Variants in SPTA1 observed in about 807,000 individuals in gnomAD.
SPTA1 encodes the protein spectrin alpha chain, erythrocytic 1.
SPTA1 carries 177 observed loss-of-function variants against 324.7 expected under a neutral mutation model. The ratio of observed to expected loss-of-function variants is 0.55; its 90% CI spans 0.48 to 0.62. The LOEUF (loss-of-function observed/expected upper bound fraction) is 0.62. Among genes scored for constraint, SPTA1 ranks in the 20% least tolerant of loss-of-function variants. The probability of loss-of-function intolerance (pLI) is 0.00; values close to 1 mark genes in which losing one functional copy is unlikely to be tolerated. For missense variants in SPTA1, 3,162 were observed against 2,883.6 expected (o/e 1.10, Z -2.21); for synonymous variants, 1,195 against 1,041.3 (o/e 1.15, Z -2.84).
At chr1:158,674,260 A>T (rs1654243567) in intron 10 of SPTA1, 69 bp downstream of exon 10, 1 of 1,420,024 alleles carries the variant, frequency 7.0e-7, no homozygotes, top group Non-Finnish European at 1.0e-6. Flanking sequence ...AGATTATCAT[A>T]TTATTGTGAG....
intron 2 of SPTA1, among the ~76,000 whole-genome samples, chr1:158,684,509 C>G (rs1655033669): frequency 6.6e-6 from 1 of 152,018 alleles, no homozygotes; most frequent in Non-Finnish European, 1.5e-5. Context: ...CCATCAAATT[C>G]TATACAGAAT....
In SPTA1 at chr1:158,677,905, T is replaced by C. The variant is rs546138017; in HGVS notation, c.813-71A>G. ...TACAGGGCAAACGGTCCAACAGAAC[T>C]CACAGCAAGGACCATCCTAGTTGAC... On this transcript the variant is annotated intron_variant, in intron 6 of 51. Coordinates refer to ENST00000643759, the MANE Select transcript of SPTA1 (RefSeq NM_003126.4). The C allele has an allele frequency of 6.9e-6, 11 of 1,595,700 alleles. No individual in the cohort carries two copies. The African/African-American group carries it at 1.3e-4, about 19-fold the overall frequency.
In SPTA1 at chr1:158,618,063, A is replaced by T. The variant is rs766248335; in HGVS notation, c.6531-7T>A. ...CCCATCCAGAAAGTAAGCCCTGGAC[A>T]TGGAGGTCCGGAACAGGAATCACAT... is the stretch of plus-strand genomic sequence containing the variant. On this transcript the variant is annotated splice_region_variant and splice_polypyrimidine_tract_variant and intron_variant, in intron 45 of 51. Coordinates refer to ENST00000643759, the MANE Select transcript of SPTA1 (RefSeq NM_003126.4). 6.2e-7 allele frequency: 1 copy of T among 1,611,684 alleles called. No homozygotes were observed. The highest frequency in any genetic ancestry group is 1.1e-5 in the South Asian group (1 of 91,046).
chr1:158,649,044 T>C (rs903541132), intron 25 of SPTA1, among the ~76,000 whole-genome samples: 5 of 152,190 alleles, frequency 3.3e-5, no homozygotes, highest in Non-Finnish European at 7.3e-5. Context: ...CCTGTCTGAG[T>C]CTGTTTTTCC....
In SPTA1 at chr1:158,685,319, A is replaced by G. The variant is rs777146280; in HGVS notation, c.53T>C (p.Leu18Ser). The part of the protein sequence containing the change: ...TVVESSGPKV[L>S]ETAEEIQERR... ...CTCCTGGATCTCTTCTGCTGTTTCC[A>G]AAACCTTTGGCCCACTGCTCTCCAC... Residue 18 changes from leucine (L) to serine (S), a missense_variant, in exon 2 of 52, where the codon TTG (leucine) becomes TCG (serine). Physicochemically the swap from Leu to Ser is moderately radical, Grantham distance 145. Transcript: ENST00000643759. 1.2e-6 allele frequency: 2 copies of G among 1,613,568 alleles called. No individual in the cohort carries two copies. The highest frequency in any genetic ancestry group is 2.7e-5 in the African/African-American group (2 of 74,892).
Position 158,657,741 on chromosome 1 carries a change from T to C in SPTA1, c.2588-47A>G, listed in dbSNP as rs754005878. 10 of 1,552,810 alleles carry C rather than the reference T, an allele frequency of 6.4e-6. No individual in the cohort carries two copies. The Admixed American group carries it at 1.7e-4, about 26-fold the overall frequency. ...GGTGAGTATGATCCTCATGAGTGTT[T>C]ACCATACTCTAATCCTTTTGGTACC... On this transcript the variant is annotated intron_variant, in intron 18 of 51. Coordinates refer to ENST00000643759, the MANE Select transcript of SPTA1 (RefSeq NM_003126.4).
chr1:158,657,209 T>C (rs868403877), intron 19 of SPTA1, among the ~76,000 whole-genome samples: 7 of 152,252 alleles, frequency 4.6e-5, no homozygotes, highest in Non-Finnish European at 7.3e-5. Context: ...GATCGGATTA[T>C]GACTATGACT....
intron 39 of SPTA1, among the ~76,000 whole-genome samples, chr1:158,629,108 TAATTCTCTCAATAGATAGATAGATAG>T (rs1650495308): frequency 6.6e-6 from 1 of 151,274 alleles, no homozygotes; most frequent in Non-Finnish European, 1.5e-5. Flanking sequence ...AGCCAGGCGA[TAATTCTCTCAATAGATAGATAGATAG>T]ATGATAGATA....
chr1:158,625,845 C>A, intron 42 of SPTA1, among the ~76,000 whole-genome samples: 2 of 150,746 alleles, frequency 1.3e-5, no homozygotes, highest in Admixed American at 6.6e-5. Flanking sequence ...AAAGTAATTC[C>A]AAATAAAGTA....
Position 158,634,526 on chromosome 1 carries a change from T to C in SPTA1, c.5565+17A>G, listed in dbSNP as rs747939134. ...AATTGAAGAGAAGAAAATTGATTCA[T>C]TCTTCCTGTTCCTCACCTGAGTAGC... On this transcript the variant is annotated intron_variant, in intron 39 of 51. Transcript: ENST00000643759. The C allele has an allele frequency of 2.2e-5, 36 of 1,613,594 alleles. No homozygotes were observed. The highest frequency in any genetic ancestry group is 3.3e-4 in the Middle Eastern group (2 of 6,062).
intron 4 of SPTA1, 90 bp from the exon 5 acceptor site, chr1:158,680,819 A>G (rs1654753902): frequency 1.3e-6 from 2 of 1,540,434 alleles, no homozygotes; most frequent in East Asian, 4.5e-5. Flanking sequence ...CATTCCCAGG[A>G]TAACTCAAAT....
chr1:158,656,452 T>G (rs922106155), intron 20 of SPTA1, 112 bp downstream of exon 20: 1 of 973,446 alleles, frequency 1.0e-6, no homozygotes, highest in Non-Finnish European at 1.6e-6. Flanking sequence ...AACTTAGTGT[T>G]TTCTTTGCCA....
chr1:158,620,326 G>C lies in SPTA1; in HGVS notation c.6261C>G (p.Asp2087Glu). The change falls in exon 44 of 52, where the codon GAC becomes GAG. Residue 2087 changes from aspartate to glutamate, a missense_variant. Asp to Glu is a conservative substitution (Grantham distance 45). Coordinates refer to ENST00000643759, the MANE Select transcript of SPTA1 (RefSeq NM_003126.4). Reference protein sequence around the residue: ...EIRQLQKDHEDFLASLARAQA... With the variant: ...EIRQLQKDHEEFLASLARAQA... ...GAGCCCTAGCCAGGGAGGCCAAGAA[G>C]TCCTCATGGTCTTTCTGCAGCTGCC... is the stretch of plus-strand genomic sequence containing the variant. The C allele has an allele frequency of 6.2e-7, 1 of 1,614,086 alleles. No homozygotes were observed. Among genetic ancestry groups the C allele is most frequent in the Non-Finnish European group, 8.5e-7 (1 of 1,180,024 alleles).
rs118088187 is a variant in SPTA1, at chr1:158,662,899, A to G, written c.2267T>C (p.Ile756Thr). ...TATATCCTTAGAATCAGGATGGCCT[A>G]TTTCTTCAAAATATGCAGCCAGGTC... ...LTDLAAYFEE[I>T]GHPDSKDIRA... Residue 756 changes from isoleucine (I) to threonine (T), a missense_variant, in exon 17 of 52, where the codon ATA (isoleucine) becomes ACA (threonine). Coordinates refer to ENST00000643759, the MANE Select transcript of SPTA1 (RefSeq NM_003126.4). 126 of 1,614,090 alleles carry G rather than the reference A, an allele frequency of 7.8e-5. No individual in the cohort carries two copies. In the East Asian group the frequency reaches 2.3e-3, roughly 30 times the overall value.
Position 158,666,320 on chromosome 1 carries a change from C to G in SPTA1, c.2216G>C (p.Arg739Pro). ...HGLLESAVAA[R>P]QDQVDILTDL... Reference sequence around the variant, plus strand: ...GCCAAAGAGCTAACAACAAACCTGACGAGCAGCCACAGCCGACTCCAGGAG... The same window carrying G: ...GCCAAAGAGCTAACAACAAACCTGAGGAGCAGCCACAGCCGACTCCAGGAG... Residue 739 changes from arginine to proline, a missense_variant, in exon 16 of 52, where the codon CGT becomes CCT. Physicochemically the swap from Arg to Pro is moderately radical, Grantham distance 103. Transcript: ENST00000643759. The G allele has an allele frequency of 3.1e-6, 5 of 1,613,348 alleles. No homozygotes were observed. The highest frequency in any genetic ancestry group is 4.2e-6 in the Non-Finnish European group (5 of 1,179,884).
chr1:158,661,532 A>G (rs1653215235), intron 17 of SPTA1, 123 bp from the exon 18 acceptor site: 2 of 1,265,550 alleles, frequency 1.6e-6, no homozygotes, highest in Non-Finnish European at 2.2e-6. Flanking sequence ...ATTGAGTAAG[A>G]TTCTTTAAAT....
At chr1:158,666,775 G>A (rs1359351873) in intron 15 of SPTA1, among the ~76,000 whole-genome samples, 1 of 151,894 alleles carries the variant, frequency 6.6e-6, no homozygotes, top group Non-Finnish European at 1.5e-5. Flanking sequence ...AACCATCTTG[G>A]GTGTTTCCTT....
At chr1:158,669,865 A>G in intron 12 of SPTA1, 79 bp from the exon 13 acceptor site, 4 of 1,389,460 alleles carry the variant, frequency 2.9e-6, no homozygotes, top group Non-Finnish European at 4.1e-6. Context: ...GTAGCTGTTT[A>G]AAGATGAAGA....
intron 15 of SPTA1, 129 bp downstream of exon 15, chr1:158,667,729 G>A: frequency 2.1e-6 from 2 of 954,400 alleles, no homozygotes; most frequent in Non-Finnish European, 3.1e-6. Context: ...ATAAAAGAAA[G>A]ACACATGGAA....
Sources: gnomAD v4.1 joint callset for allele counts (sites outside exome capture counted in the v4.1 genomes callset) on GRCh38, gnomAD v4.1.1 for gene constraint, MANE v1.5 for transcripts, NCBI Gene and HGNC (gene_info 2026-07-23, HGNC 2026-07-21) for gene names.